FGD6: variants seen among roughly 807,000 people sequenced by gnomAD.
FGD6 encodes the protein FYVE, RhoGEF and PH domain containing 6.
In FGD6, 90 loss-of-function variants were observed where a neutral mutation model predicts 149.4. The observed-to-expected ratio is 0.60, with a 90% CI of 0.51 to 0.72. The LOEUF (loss-of-function observed/expected upper bound fraction) is 0.72, where lower values mean the gene tolerates loss of function less well. Among genes scored for constraint, FGD6 ranks in the 30% least tolerant of loss-of-function variants. FGD6 has a pLI of 0.00. For missense variants in FGD6, 1,437 were observed against 1,684.8 expected, an observed-to-expected ratio of 0.85 and a Z score of 2.57; for synonymous variants, 527 against 584.0, an observed-to-expected ratio of 0.90 and a Z score of 1.41.
Position 95,107,558 on chromosome 12 carries a change from C to T in FGD6, c.3333+5G>A. 6.2e-7 allele frequency: 1 copy of T among 1,613,938 alleles called. No individual in the cohort carries two copies. The highest frequency in any genetic ancestry group is 8.5e-7 in the Non-Finnish European group (1 of 1,179,984). On this transcript the variant is annotated splice_donor_5th_base_variant and intron_variant, in intron 12 of 20. Coordinates refer to ENST00000343958, the MANE Select transcript of FGD6 (RefSeq NM_018351.4). ...GCCACATCAGAACTACACAAGTCCTCTTACCAGGAAAAACATTCGAGGTTG... is the reference window on the plus strand; with the variant it reads ...GCCACATCAGAACTACACAAGTCCTTTTACCAGGAAAAACATTCGAGGTTG...
intron 14 of FGD6, chr12:95,100,776 T>A: frequency 2.1e-6 from 1 of 468,492 alleles, no homozygotes; most frequent in Non-Finnish European, 4.2e-6. Flanking sequence ...ACAATAGTGA[T>A]GAGCGAACAG....
At chr12:95,208,737 A>G in intron 2 of FGD6, 106 bp downstream of exon 2, 31 of 1,149,016 alleles carry the variant, frequency 2.7e-5, no homozygotes, top group Non-Finnish European at 3.5e-5. Context: ...TTTCTAAACT[A>G]TTCCTTCAAC....
rs1482663410 is a variant in FGD6 at position 95,077,941 on chromosome 12, T to G, written c.*3579A>C. The G allele has an allele frequency of 6.6e-6, 1 of 152,208 alleles. No individual in the cohort carries two copies. The highest frequency in any genetic ancestry group is 2.4e-5 in the African/African-American group (1 of 41,442). 9.4% of individuals were successfully genotyped at this position (152,208 alleles called of 1,614,324 possible). A position where few individuals can be genotyped will look rare whatever the true frequency, so the allele number is the denominator to read the frequency against. Reference sequence around the variant, plus strand: ...TAGCTTTGCAGGATAGTGGAGAAAGTAGGTCTAAGGTCCAGGTTATAATGT... The same window carrying G: ...TAGCTTTGCAGGATAGTGGAGAAAGGAGGTCTAAGGTCCAGGTTATAATGT... On this transcript the variant is annotated 3_prime_UTR_variant, in exon 21 of 21. Transcript: ENST00000343958.
intron 2 of FGD6, among the ~76,000 whole-genome samples, chr12:95,192,698 T>C (rs1001320682): frequency 1.3e-5 from 2 of 152,020 alleles, no homozygotes; most frequent in African/African-American, 2.4e-5. Flanking sequence ...TGGAGAACAA[T>C]GGGGAAGATT....
At chr12:95,147,409 T>A (rs552223511) in intron 5 of FGD6, among the ~76,000 whole-genome samples, 1 of 152,322 alleles carries the variant, frequency 6.6e-6, no homozygotes, top group Non-Finnish European at 1.5e-5. Flanking sequence ...CAATCTTTTA[T>A]GTCTAGTTTC....
At chr12:95,162,437 G>C (rs1186790820) in intron 3 of FGD6, among the ~76,000 whole-genome samples, 3 of 152,138 alleles carry the variant, frequency 2.0e-5, no homozygotes, top group Admixed American at 6.6e-5. Flanking sequence ...TGAAGCATGA[G>C]AGTCACTTAA....
At chr12:95,154,316 C>CA (rs1028137001) in intron 3 of FGD6, among the ~76,000 whole-genome samples, 8 of 151,210 alleles carry the variant, frequency 5.3e-5, no homozygotes, top group African/African-American at 1.7e-4. Flanking sequence ...CTAGCAGGAA[C>CA]AAAAAAAATG....
chr12:95,169,846 C>T (rs559275234), intron 3 of FGD6, among the ~76,000 whole-genome samples: 3 of 152,236 alleles, frequency 2.0e-5, no homozygotes, highest in East Asian at 3.9e-4. Flanking sequence ...TGAGGCCAGG[C>T]GTGGTGGCTC....
chr12:95,115,771 G>A (rs1338914634), intron 8 of FGD6, among the ~76,000 whole-genome samples: 3 of 152,174 alleles, frequency 2.0e-5, no homozygotes, highest in African/African-American at 4.8e-5. Context: ...GAAAACAGGG[G>A]TATTGGTGCC....
chr12:95,109,446 A>T (rs896174644), intron 9 of FGD6, among the ~76,000 whole-genome samples: 1 of 152,208 alleles, frequency 6.6e-6, no homozygotes, highest in African/African-American at 2.4e-5. Flanking sequence ...CCACACAAAG[A>T]TTATTCAGAA....
At chr12:95,152,260 A>G (rs1269909393) in intron 5 of FGD6, among the ~76,000 whole-genome samples, 1 of 152,118 alleles carries the variant, frequency 6.6e-6, no homozygotes, top group African/African-American at 2.4e-5. Flanking sequence ...CAGGAGGTTG[A>G]AAGGCTGCAG....
chr12:95,124,509 T>C (rs928127550), intron 8 of FGD6, among the ~76,000 whole-genome samples: 2 of 152,222 alleles, frequency 1.3e-5, no homozygotes, highest in African/African-American at 2.4e-5. Context: ...GAGCCCATGA[T>C]TCTGACTAAA....
intron 1 of FGD6, among the ~76,000 whole-genome samples, chr12:95,211,897 T>C (rs759841461): frequency 6.6e-6 from 1 of 152,308 alleles, no homozygotes; most frequent in South Asian, 2.1e-4. Flanking sequence ...ACCCACATAG[T>C]TGTTCTTCAA....
In FGD6 at chr12:95,107,608, C is replaced by G. The variant is rs1423053460; in HGVS notation, c.3288G>C (p.Leu1096=). The G allele has an allele frequency of 3.1e-6, 5 of 1,613,976 alleles. No individual in the cohort carries two copies. Among genetic ancestry groups the G allele is most frequent in the Non-Finnish European group, 4.2e-6 (5 of 1,180,044 alleles). The change falls in exon 12 of 21, where the codon CTG becomes CTC. Residue 1096 remains leucine, a synonymous_variant. Coordinates refer to ENST00000343958, the MANE Select transcript of FGD6 (RefSeq NM_018351.4). ...PGRVFLKEGI[L]MKLSRKVMQP... ...GCATCACTTTCCGAGACAGCTTCAT[C>G]AGAATTCCTTCTTTGAGAAAAACCT...
At chr12:95,139,468 C>A (rs1452128444) in intron 6 of FGD6, among the ~76,000 whole-genome samples, 1 of 151,254 alleles carries the variant, frequency 6.6e-6, no homozygotes, top group Non-Finnish European at 1.5e-5. Context: ...GCAAATAAGC[C>A]CCAATTTTTT....
intron 8 of FGD6, chr12:95,125,978 C>T: frequency 2.1e-6 from 3 of 1,396,976 alleles, no homozygotes; most frequent in South Asian, 2.3e-5. Flanking sequence ...AGAAGTATGT[C>T]CCACAAGCCT....
At chr12:95,110,514 C>T (rs1878784129) in intron 9 of FGD6, among the ~76,000 whole-genome samples, 2 of 151,944 alleles carry the variant, frequency 1.3e-5, no homozygotes, top group African/African-American at 4.8e-5. Flanking sequence ...CACCAGTATG[C>T]CCAGCTAATT....
chr12:95,129,088 G>C (rs1439341263), intron 8 of FGD6, among the ~76,000 whole-genome samples: 2 of 151,282 alleles, frequency 1.3e-5, no homozygotes, highest in African/African-American at 4.8e-5. Context: ...AATGGCGTGA[G>C]TTTAGAAGGG....
At chr12:95,108,636 C>T in intron 9 of FGD6, 75 bp from the exon 10 acceptor site, 2 of 1,542,700 alleles carry the variant, frequency 1.3e-6, no homozygotes, top group Non-Finnish European at 1.8e-6. Context: ...TAAGCAATTC[C>T]AGGGGACAAG....
Sources: gnomAD v4.1 joint callset for allele counts (sites outside exome capture counted in the v4.1 genomes callset) on GRCh38, gnomAD v4.1.1 for gene constraint, MANE v1.5 for transcripts, NCBI Gene and HGNC (gene_info 2026-07-23, HGNC 2026-07-21) for gene names.